Variants in ZRANB3 observed in about 807,000 individuals in gnomAD.
The protein encoded by ZRANB3 is DNA annealing helicase and endonuclease ZRANB3.
A neutral mutation model predicts 133.8 loss-of-function variants in ZRANB3; 125 were observed. The ratio of observed to expected loss-of-function variants is 0.93; its 90% CI spans 0.81 to 1.08. The LOEUF is 1.08. ZRANB3 is among the 50% of genes least tolerant of loss of function. The probability of loss-of-function intolerance (pLI) is 0.00; values close to 1 mark genes in which losing one functional copy is unlikely to be tolerated. For synonymous variants in ZRANB3, 387 were observed against 432.7 expected, an observed-to-expected ratio of 0.89 and a Z score of 1.31; for missense variants, 1,229 against 1,275.5, an observed-to-expected ratio of 0.96 and a Z score of 0.56.
chr2:135,410,711 T>C (rs1688264662), intron 2 of ZRANB3, among the ~76,000 whole-genome samples: 1 of 151,988 alleles, frequency 6.6e-6, no homozygotes, highest in Admixed American at 6.6e-5. Context: ...ATTTGCAAAC[T>C]ATGCAACTGA....
intron 2 of ZRANB3, among the ~76,000 whole-genome samples, chr2:135,475,799 T>C (rs1376658764): frequency 3.3e-5 from 5 of 152,142 alleles, no homozygotes; most frequent in Non-Finnish European, 7.4e-5. Flanking sequence ...AAATTTTGGC[T>C]GGGTGCAGTG....
At chr2:135,314,644 AT>A (rs1405595872) in intron 7 of ZRANB3, among the ~76,000 whole-genome samples, 2 of 152,224 alleles carry the variant, frequency 1.3e-5, no homozygotes, top group African/African-American at 2.4e-5. Flanking sequence ...ATAGGGCTGC[AT>A]GAAGTTTTTC....
intron 2 of ZRANB3, among the ~76,000 whole-genome samples, chr2:135,416,586 T>C (rs1326958336): frequency 1.3e-5 from 2 of 151,568 alleles, no homozygotes; most frequent in Non-Finnish European, 1.5e-5. Context: ...AATGACTTTC[T>C]TCACAGAATT....
At chr2:135,289,626 G>A (rs1462054592) in intron 8 of ZRANB3, among the ~76,000 whole-genome samples, 1 of 152,076 alleles carries the variant, frequency 6.6e-6, no homozygotes, top group Non-Finnish European at 1.5e-5. Context: ...TTTTTGGCTG[G>A]GCTCAGTGGC....
intron 2 of ZRANB3, among the ~76,000 whole-genome samples, chr2:135,492,010 A>C (rs1435692707): frequency 6.6e-6 from 1 of 152,212 alleles, no homozygotes; most frequent in East Asian, 1.9e-4. Context: ...ATTACACAAA[A>C]CATTAGTTAT....
chr2:135,356,124 T>C (rs1438396807), intron 3 of ZRANB3, among the ~76,000 whole-genome samples: 2 of 151,608 alleles, frequency 1.3e-5, no homozygotes, highest in Non-Finnish European at 2.9e-5. Context: ...AAGCCTTCAA[T>C]AGGATACGTA....
At chr2:135,444,150 A>G (rs1441955729) in intron 2 of ZRANB3, among the ~76,000 whole-genome samples, 2 of 152,078 alleles carry the variant, frequency 1.3e-5, no homozygotes, top group African/African-American at 4.8e-5. Flanking sequence ...AGAAACTGGA[A>G]CCGTCATATG....
intron 2 of ZRANB3, 144 bp downstream of exon 2, chr2:135,504,185 G>C: frequency 1.1e-6 from 1 of 914,012 alleles, no homozygotes; most frequent in Non-Finnish European, 1.8e-6. Context: ...GTCAACCATA[G>C]TAAATGGATA....
At chr2:135,377,347 G>A (rs978341546) in intron 3 of ZRANB3, among the ~76,000 whole-genome samples, 1 of 152,074 alleles carries the variant, frequency 6.6e-6, no homozygotes, top group East Asian at 1.9e-4. Flanking sequence ...AACCTAGAAG[G>A]ACACCCCTGG....
chr2:135,441,196 A>C (rs1689762603), intron 2 of ZRANB3, among the ~76,000 whole-genome samples: 1 of 152,216 alleles, frequency 6.6e-6, no homozygotes, highest in Non-Finnish European at 1.5e-5. Flanking sequence ...AAACTGTTTA[A>C]AGATAGAGAC....
At chr2:135,291,403 G>C (rs1681721563) in intron 8 of ZRANB3, among the ~76,000 whole-genome samples, 1 of 151,662 alleles carries the variant, frequency 6.6e-6, no homozygotes, top group Non-Finnish European at 1.5e-5. Flanking sequence ...GGCTGGTCTT[G>C]AACTCCTGAC....
chr2:135,381,398 T>TGCCTCTGTAGACTCC (rs1442131070), intron 3 of ZRANB3, among the ~76,000 whole-genome samples: 1 of 152,242 alleles, frequency 6.6e-6, no homozygotes, highest in Non-Finnish European at 1.5e-5. Context: ...GAGGTCTGCC[T>TGCCTCTGTAGACTCC]GCCTCTGTAG....
At chr2:135,288,692 T>C (rs941646110) in intron 8 of ZRANB3, among the ~76,000 whole-genome samples, 1 of 152,156 alleles carries the variant, frequency 6.6e-6, no homozygotes, top group East Asian at 1.9e-4. Flanking sequence ...TTTGTGCACA[T>C]AAAGGTGTTA....
chr2:135,474,628 A>C (rs1254396571), intron 2 of ZRANB3, among the ~76,000 whole-genome samples: 2 of 152,218 alleles, frequency 1.3e-5, no homozygotes, highest in Non-Finnish European at 2.9e-5. Flanking sequence ...CCAGTAGCCA[A>C]GTAGATGCTG....
At chr2:135,448,518 G>T (rs1419060029) in intron 2 of ZRANB3, among the ~76,000 whole-genome samples, 2 of 152,140 alleles carry the variant, frequency 1.3e-5, no homozygotes, top group African/African-American at 2.4e-5. Context: ...GCAATCACAT[G>T]CAAAACACAA....
chr2:135,426,136 G>C (rs1487423179), intron 2 of ZRANB3, among the ~76,000 whole-genome samples: 2 of 151,996 alleles, frequency 1.3e-5, no homozygotes, highest in Non-Finnish European at 2.9e-5. Context: ...TTAAGCCAGG[G>C]AGAAACTGGA....
intron 2 of ZRANB3, among the ~76,000 whole-genome samples, chr2:135,471,118 T>TC (rs1491562595): frequency 1.3e-5 from 2 of 151,506 alleles, no homozygotes; most frequent in Admixed American, 1.3e-4. Context: ...TTTTTTTTTT[T>TC]CAACCAGAAA....
chr2:135,322,064 T>C (rs1215714253), intron 6 of ZRANB3, among the ~76,000 whole-genome samples: 3 of 152,172 alleles, frequency 2.0e-5, no homozygotes, highest in Admixed American at 6.5e-5. Flanking sequence ...TTGTGTAAGA[T>C]ATGGTTTGGG....
intron 8 of ZRANB3, among the ~76,000 whole-genome samples, chr2:135,303,214 C>G (rs548261753): frequency 6.6e-6 from 1 of 152,050 alleles, no homozygotes; most frequent in South Asian, 2.1e-4. Context: ...TATTTTTTAC[C>G]ACCATGTGTT....
Sources: allele counts gnomAD v4.1 joint callset (sites outside exome capture counted in the v4.1 genomes callset), GRCh38; gene constraint gnomAD v4.1.1; transcripts MANE v1.5; gene names NCBI Gene and HGNC (gene_info 2026-07-23, HGNC 2026-07-21).